The following SPAG16 variants were observed in gnomAD, a reference collection of about 807,000 sequenced individuals.
SPAG16 encodes sperm-associated antigen 16 protein.
Under a neutral mutation model 80.4 loss-of-function variants are expected in SPAG16, and 86 were observed. The ratio of observed to expected loss-of-function variants is 1.07; its 90% confidence interval spans 0.90 to 1.28. The LOEUF is 1.28. Ranked by LOEUF, SPAG16 falls within the 50% of genes most tolerant of loss-of-function variation. The pLI is 0.00. For missense variants in SPAG16, 870 were observed against 765.3 expected (o/e 1.14, Z -1.61); for synonymous variants, 294 against 265.9 (o/e 1.11, Z -1.03).
At chr2:213,749,513 AG>A (rs1286658874) in intron 10 of SPAG16, among the ~76,000 whole-genome samples, 5 of 152,214 alleles carry the variant, frequency 3.3e-5, no homozygotes, top group Non-Finnish European at 7.3e-5. Flanking sequence ...GATAGCACCC[AG>A]AGAAAAGCTA....
chr2:213,762,151 G>T (rs994237159), intron 10 of SPAG16, among the ~76,000 whole-genome samples: 3 of 152,178 alleles, frequency 2.0e-5, no homozygotes, highest in South Asian at 2.1e-4. Flanking sequence ...AAAATGCTTA[G>T]AGTAGTCAAA....
intron 11 of SPAG16, among the ~76,000 whole-genome samples, chr2:213,896,366 G>T (rs1437681421): frequency 6.6e-6 from 1 of 151,718 alleles, no homozygotes; most frequent in Non-Finnish European, 1.5e-5. Context: ...AATTTGCATA[G>T]CTACTATGGA....
intron 15 of SPAG16, among the ~76,000 whole-genome samples, chr2:214,278,049 G>A (rs1171210741): frequency 1.3e-5 from 2 of 152,228 alleles, no homozygotes; most frequent in South Asian, 2.1e-4. Flanking sequence ...CTGCTGCCTC[G>A]CAGGTCGCAG....
At chr2:213,622,456 A>C (rs997920398) in intron 10 of SPAG16, among the ~76,000 whole-genome samples, 1 of 152,138 alleles carries the variant, frequency 6.6e-6, no homozygotes, top group African/African-American at 2.4e-5. Flanking sequence ...TTAGTGTGTC[A>C]AGGAGATGGA....
At chr2:213,650,588 T>G (rs1221480170) in intron 10 of SPAG16, among the ~76,000 whole-genome samples, 2 of 152,230 alleles carry the variant, frequency 1.3e-5, no homozygotes, top group South Asian at 2.1e-4. Flanking sequence ...TATTTGTGTG[T>G]GTGTTCATAT....
chr2:214,211,381 A>T (rs574793711), intron 15 of SPAG16, among the ~76,000 whole-genome samples: 63 of 152,330 alleles, frequency 4.1e-4, no homozygotes, highest in African/African-American at 1.3e-3. Flanking sequence ...CCACACTGTC[A>T]TATGGGTACA....
At chr2:213,590,733 C>G (rs1559287515) in intron 10 of SPAG16, among the ~76,000 whole-genome samples, 2 of 152,152 alleles carry the variant, frequency 1.3e-5, no homozygotes, top group Admixed American at 6.5e-5. Context: ...CCTGTGAAAG[C>G]AGTTTGGAGA....
chr2:214,069,819 T>G (rs1052256681), intron 13 of SPAG16, among the ~76,000 whole-genome samples: 6 of 152,066 alleles, frequency 3.9e-5, no homozygotes, highest in Non-Finnish European at 7.4e-5. Context: ...AATCTCAGAA[T>G]GTAGGTACCT....
intron 12 of SPAG16, among the ~76,000 whole-genome samples, chr2:213,973,346 C>T (rs769790415): frequency 2.4e-4 from 36 of 152,010 alleles, no homozygotes; most frequent in Non-Finnish European, 4.7e-4. Flanking sequence ...TCTTCATTTG[C>T]CTTCCCTTTT....
intron 10 of SPAG16, among the ~76,000 whole-genome samples, chr2:213,677,858 A>G (rs908117979): frequency 4.6e-5 from 7 of 152,160 alleles, no homozygotes; most frequent in African/African-American, 1.7e-4. Flanking sequence ...AATTGACCAC[A>G]TAGTTGGAAG....
chr2:213,388,473 A>C (rs1029646193), intron 9 of SPAG16, among the ~76,000 whole-genome samples: 2 of 152,210 alleles, frequency 1.3e-5, no homozygotes, highest in Non-Finnish European at 2.9e-5. Context: ...TTAGAAAGTG[A>C]CCACACAAGC....
intron 9 of SPAG16, among the ~76,000 whole-genome samples, chr2:213,438,317 G>A (rs2070752789): frequency 6.6e-6 from 1 of 152,160 alleles, no homozygotes; most frequent in South Asian, 2.1e-4. Context: ...AGACAACAAT[G>A]GCCAGGAGTG....
intron 10 of SPAG16, among the ~76,000 whole-genome samples, chr2:213,597,498 TA>T (rs1443319592): frequency 2.6e-5 from 4 of 152,148 alleles, no homozygotes; most frequent in African/African-American, 9.7e-5. Context: ...TGTGCTTAAA[TA>T]AAACACACAT....
intron 10 of SPAG16, among the ~76,000 whole-genome samples, chr2:213,541,752 G>T (rs2125917722): frequency 6.6e-6 from 1 of 152,298 alleles, no homozygotes; most frequent in Non-Finnish European, 1.5e-5. Flanking sequence ...TGAAAAGAAA[G>T]CAATAGTGGT....
intron 10 of SPAG16, among the ~76,000 whole-genome samples, chr2:213,777,463 G>C (rs2069670987): frequency 6.6e-6 from 1 of 151,644 alleles, no homozygotes; most frequent in Admixed American, 6.6e-5. Flanking sequence ...CTGGAGTGCA[G>C]TGGCGCGATC....
At chr2:213,356,559 T>C (rs563633023) in intron 7 of SPAG16, among the ~76,000 whole-genome samples, 20 of 152,370 alleles carry the variant, frequency 1.3e-4, no homozygotes, top group Admixed American at 1.2e-3. Flanking sequence ...TATTCTCTGA[T>C]GGTAGTTTGT....
At chr2:213,301,063 C>T (rs572173903) in intron 3 of SPAG16, among the ~76,000 whole-genome samples, 9 of 151,956 alleles carry the variant, frequency 5.9e-5, no homozygotes, top group East Asian at 1.9e-4. Context: ...TTACTTTTAA[C>T]GGAAAAAAAC....
intron 15 of SPAG16, among the ~76,000 whole-genome samples, chr2:214,169,504 T>C (rs1220890733): frequency 6.6e-6 from 1 of 151,990 alleles, no homozygotes; most frequent in African/African-American, 2.4e-5. Flanking sequence ...GGCAATTGCT[T>C]TGAGCTCCGA....
intron 15 of SPAG16, among the ~76,000 whole-genome samples, chr2:214,175,791 A>T (rs965692386): frequency 6.6e-6 from 1 of 151,574 alleles, no homozygotes; most frequent in African/African-American, 2.4e-5. Context: ...TAATCAGTAT[A>T]AAATTCTTCT....
Sources: gnomAD v4.1 joint callset for allele counts (sites outside exome capture counted in the v4.1 genomes callset) on GRCh38, gnomAD v4.1.1 for gene constraint, MANE v1.5 for transcripts, NCBI Gene and HGNC (gene_info 2026-07-23, HGNC 2026-07-21) for gene names.